The following SAMD7 variants were observed in gnomAD, a reference collection of about 807,000 sequenced individuals.
SAMD7 encodes the protein sterile alpha motif domain-containing protein 7.
A neutral mutation model predicts 36.7 loss-of-function variants in SAMD7; 34 were observed. The ratio of observed to expected loss-of-function variants is 0.93; its 90% CI spans 0.71 to 1.23. The LOEUF is 1.23. SAMD7 is among the 50% of genes most tolerant of loss of function. The pLI is 0.00. For synonymous variants in SAMD7, 188 were observed against 189.7 expected, an observed-to-expected ratio of 0.99 and a Z score of 0.07; for missense variants, 570 against 546.6, an observed-to-expected ratio of 1.04 and a Z score of -0.43.
Position 169,936,463 on chromosome 3 carries a change from A to G in SAMD7, c.1152+14A>G. ...ATTCAGTCACAGGTATGGTGATTTT[A>G]TATAACTAATTATGTATTAATGGCA... On this transcript the variant is annotated intron_variant, in intron 8 of 8. Transcript: ENST00000335556. 1.5e-6 allele frequency: 2 copies of G among 1,365,768 alleles called. No homozygotes were observed. Among genetic ancestry groups the G allele is most frequent in the Non-Finnish European group, 2.1e-6 (2 of 956,108 alleles). 84.6% of individuals were successfully genotyped at this position (1,365,768 alleles called of 1,614,324 possible). A position where few individuals can be genotyped will look rare whatever the true frequency, so the allele number is the denominator to read the frequency against.
At chr3:169,915,995 A>C (rs887536872) in intron 2 of SAMD7, among the ~76,000 whole-genome samples, 1 of 152,180 alleles carries the variant, frequency 6.6e-6, no homozygotes, top group Non-Finnish European at 1.5e-5. Context: ...TGAAGCCACC[A>C]CTTAATCAAG....
chr3:169,920,570 G>A lies in SAMD7; in HGVS notation c.87-644G>A, dbSNP rs146600404. Among the ~76,000 whole-genome samples, 312 of 152,112 alleles carry A rather than the reference G, an allele frequency of 2.1e-3. 1 individual carries two copies. Among genetic ancestry groups the A allele is most frequent in the Non-Finnish European group, 3.8e-3 (255 of 67,992 alleles). On this transcript the variant is annotated intron_variant, in intron 3 of 8. Coordinates refer to ENST00000335556, the MANE Select transcript of SAMD7 (RefSeq NM_001304366.2). ...AGGCGAAACAAGTCCATAACAACTG[G>A]GTACCCTGGATTTCCCGTGAAGAAA...
rs1713266714 is a variant in SAMD7, at chr3:169,926,584, C to G, written c.322C>G (p.Gln108Glu). The change falls in exon 6 of 9, where the codon CAA (glutamine) becomes GAA (glutamate). Residue 108 changes from glutamine to glutamate, a missense_variant. Gln to Glu is a conservative substitution (Grantham distance 29). Transcript: ENST00000335556. ...TEMEMYAIYQ[Q>E]RRMEKINPKG... is the part of the protein sequence containing the mutation. ...AATGGAAATGTATGCTATTTACCAGCAAAGGAGAATGGAAAAAATTAATCC... is the reference window on the plus strand; with the variant it reads ...AATGGAAATGTATGCTATTTACCAGGAAAGGAGAATGGAAAAAATTAATCC... 7 of 1,611,936 alleles carry G rather than the reference C, an allele frequency of 4.3e-6. No homozygotes were observed. The highest frequency in any genetic ancestry group is 5.1e-6 in the Non-Finnish European group (6 of 1,178,790).
intron 1 of SAMD7, among the ~76,000 whole-genome samples, chr3:169,912,291 GA>G (rs1712629468): frequency 6.6e-6 from 1 of 152,064 alleles, no homozygotes; most frequent in African/African-American, 2.4e-5. Context: ...TGTCAGAGTA[GA>G]AAATTTCAGA....
intron 3 of SAMD7, among the ~76,000 whole-genome samples, chr3:169,919,811 A>C (rs900755255): frequency 6.6e-6 from 1 of 152,230 alleles, no homozygotes; most frequent in Non-Finnish European, 1.5e-5. Flanking sequence ...ATTAATGAGC[A>C]CATACTATAT....
chr3:169,935,407 C>G (rs1403677648), intron 7 of SAMD7, among the ~76,000 whole-genome samples: 1 of 152,144 alleles, frequency 6.6e-6, no homozygotes, highest in African/African-American at 2.4e-5. Flanking sequence ...GACCTCTCTT[C>G]CATTGTATCG....
rs772494570 is a variant in SAMD7 at position 169,919,512 on chromosome 3, C to T, written c.14C>T (p.Pro5Leu). ...ACAAACCCGGTGATGGCTGTGAACC[C>T]TTTATTGACACCAACAGGGCAGCAG... MAVNPLLTPTGQQTI... is the reference protein window; with the variant it reads MAVNLLLTPTGQQTI... Residue 5 changes from proline to leucine, a missense_variant, in exon 3 of 9, where the codon CCT becomes CTT. Physicochemically the swap from Pro to Leu is moderately conservative, Grantham distance 98 (BLOSUM62 -3). Transcript: ENST00000335556. The T allele has an allele frequency of 3.1e-6, 5 of 1,614,008 alleles. No individual in the cohort carries two copies. The highest frequency in any genetic ancestry group is 1.1e-5 in the South Asian group (1 of 91,092).
At chr3:169,920,839 C>T (rs1713012110) in intron 3 of SAMD7, among the ~76,000 whole-genome samples, 1 of 152,068 alleles carries the variant, frequency 6.6e-6, no homozygotes, top group Non-Finnish European at 1.5e-5. Context: ...AACATTGATC[C>T]CAGATGGTAA....
intron 3 of SAMD7, 82 bp from the exon 4 acceptor site, chr3:169,921,132 C>T: frequency 7.5e-7 from 1 of 1,330,760 alleles, no homozygotes; most frequent in Non-Finnish European, 1.1e-6. Context: ...ATGGCAATAA[C>T]AAAATCTCAT....
chr3:169,932,794 G>A (rs1044096701), intron 7 of SAMD7: 15 of 538,198 alleles, frequency 2.8e-5, no homozygotes, highest in African/African-American at 1.5e-4. Context: ...TGAAGAAAAC[G>A]TCCCTTTATG....
chr3:169,935,742 C>T, intron 7 of SAMD7, among the ~76,000 whole-genome samples: 1 of 152,278 alleles, frequency 6.6e-6, no homozygotes, highest in East Asian at 1.9e-4. Flanking sequence ...TGCCTGGAAT[C>T]TTTGTCCACC....
chr3:169,930,724 G>A (rs1376550276), intron 7 of SAMD7, among the ~76,000 whole-genome samples: 1 of 151,652 alleles, frequency 6.6e-6, no homozygotes, highest in Non-Finnish European at 1.5e-5. Context: ...TGGGACTATA[G>A]GTGCACACCA....
chr3:169,932,895 A>G, intron 7 of SAMD7: 2 of 631,146 alleles, frequency 3.2e-6, no homozygotes, highest in Middle Eastern at 2.7e-4. Flanking sequence ...AAGAACTTTC[A>G]AGATAATGAG....
chr3:169,924,913 G>A, intron 4 of SAMD7, 145 bp from the exon 5 acceptor site: 1 of 574,108 alleles, frequency 1.7e-6, no homozygotes, highest in Non-Finnish European at 3.1e-6. Flanking sequence ...GCAATGATCT[G>A]ATACCATTTC....
chr3:169,927,199 A>C lies in SAMD7; in HGVS notation c.919+18A>C. 6.6e-7 allele frequency: 1 copy of C among 1,513,814 alleles called. No homozygotes were observed. The highest frequency in any genetic ancestry group is 8.8e-7 in the Non-Finnish European group (1 of 1,134,344). 93.8% of individuals were successfully genotyped at this position (1,513,814 alleles called of 1,614,324 possible). A position where few individuals can be genotyped will look rare whatever the true frequency, so the allele number is the denominator to read the frequency against. The stretch of plus-strand genomic sequence containing the variant: ...TCTGCCAGGTGGGTGTCCAGGGGCC[A>C]ATGGCAGATCCTCATTAACTACAGG... On this transcript the variant is annotated intron_variant, in intron 6 of 8. Coordinates refer to ENST00000335556, the MANE Select transcript of SAMD7 (RefSeq NM_001304366.2).
chr3:169,938,300 A>G lies in SAMD7; in HGVS notation c.1153-18A>G. 6.5e-7 allele frequency: 1 copy of G among 1,536,634 alleles called. No individual in the cohort carries two copies. The highest frequency in any genetic ancestry group is 8.9e-7 in the Non-Finnish European group (1 of 1,121,122). ...AAAATTCATAGAATTGATTACTATA[A>G]TTATTTTGTCTTAAAAGGTATCTCA... On this transcript the variant is annotated intron_variant, in intron 8 of 8. Transcript: ENST00000335556.
intron 6 of SAMD7, among the ~76,000 whole-genome samples, chr3:169,927,462 T>A (rs1559952201): frequency 6.6e-6 from 1 of 151,816 alleles, no homozygotes; most frequent in Non-Finnish European, 1.5e-5. Context: ...GCCCGGCTAA[T>A]TTTTTTGTAT....
intron 7 of SAMD7, among the ~76,000 whole-genome samples, chr3:169,931,104 T>C (rs531184699): frequency 4.6e-5 from 7 of 152,228 alleles, no homozygotes; most frequent in Admixed American, 1.3e-4. Flanking sequence ...TAAATAGGTG[T>C]AGAGAAAGGA....
chr3:169,933,199 T>C (rs769757931), intron 7 of SAMD7: 24 of 682,968 alleles, frequency 3.5e-5, no homozygotes, highest in Non-Finnish European at 6.1e-5. Flanking sequence ...ATGGACACTG[T>C]ATGGTAGAAG....
Sources: gnomAD v4.1 joint callset for allele counts (sites outside exome capture counted in the v4.1 genomes callset) on GRCh38, gnomAD v4.1.1 for gene constraint, MANE v1.5 for transcripts, NCBI Gene and HGNC (gene_info 2026-07-23, HGNC 2026-07-21) for gene names.